Variants in SAMD4B observed in about 807,000 individuals in gnomAD.
SAMD4B encodes protein Smaug homolog 2.
Under a neutral mutation model 74.5 loss-of-function variants are expected in SAMD4B, and 5 were observed. That is an observed-to-expected ratio of 0.07 (90% CI 0.04 to 0.14). The LOEUF is 0.14. Among genes scored for constraint, SAMD4B ranks in the 10% least tolerant of loss-of-function variants. SAMD4B has a pLI of 1.00. For missense variants in SAMD4B, 608 were observed against 921.8 expected (o/e 0.66, Z 4.41); for synonymous variants, 373 against 374.9 (o/e 1.00, Z 0.06).
At chr19:39,381,801 A>G (rs978464214) in intron 12 of SAMD4B, among the ~76,000 whole-genome samples, 1 of 152,184 alleles carries the variant, frequency 6.6e-6, no homozygotes, top group African/African-American at 2.4e-5. Flanking sequence ...GCATGGTGGC[A>G]CACACCCGTA....
chr19:39,380,175 T>C, intron 10 of SAMD4B, 91 bp downstream of exon 10: 1 of 965,550 alleles, frequency 1.0e-6, no homozygotes, highest in South Asian at 1.6e-5. Flanking sequence ...TGTTCTGGGC[T>C]GAGAATCTAG....
chr19:39,349,053 T>G (rs1395757360), intron 1 of SAMD4B, among the ~76,000 whole-genome samples: 1 of 152,180 alleles, frequency 6.6e-6, no homozygotes, highest in East Asian at 1.9e-4. Flanking sequence ...TGCCCAAAAT[T>G]ACACAGGTAG....
In SAMD4B at chr19:39,370,066, T is replaced by A; in HGVS notation, c.608T>A (p.Phe203Tyr). 1.2e-6 allele frequency: 2 copies of A among 1,611,022 alleles called. No individual in the cohort carries two copies. The highest frequency in any genetic ancestry group is 1.7e-6 in the Non-Finnish European group (2 of 1,178,608). The stretch of plus-strand genomic sequence containing the variant: ...CCCCGGGAAAATGGACACGTGCCCT[T>A]CCACCCATCCAGCTCAGTGCCGCCA... ...KPPRENGHVPFHPSSSVPPAI... is the reference protein window; with the variant it reads ...KPPRENGHVPYHPSSSVPPAI... The change falls in exon 4 of 14, where the codon TTC (phenylalanine) becomes TAC (tyrosine). Residue 203 changes from phenylalanine to tyrosine, a missense_variant. Phe to Tyr is a conservative substitution (Grantham distance 22). Transcript: ENST00000610417.
Position 39,378,649 on chromosome 19 carries a change from C to G in SAMD4B, c.1530+60C>G. On this transcript the variant is annotated intron_variant, in intron 9 of 13. Transcript: ENST00000610417. This position sits in a 1 kb window ranked among gnomAD's most constrained non-coding sequence, Gnocchi z 4.4. Reference sequence around the variant, plus strand: ...GGCGGCCAGGCGTGGTGGTTCACGCCTGTAGTCCCAGCACTTCGGCCACCG... The same window carrying G: ...GGCGGCCAGGCGTGGTGGTTCACGCGTGTAGTCCCAGCACTTCGGCCACCG... The G allele has an allele frequency of 5.4e-6, 8 of 1,473,248 alleles. No individual in the cohort carries two copies. The highest frequency in any genetic ancestry group is 7.6e-6 in the Non-Finnish European group (8 of 1,056,132). 91.3% of individuals were successfully genotyped at this position (1,473,248 alleles called of 1,614,324 possible).
intron 1 of SAMD4B, among the ~76,000 whole-genome samples, chr19:39,345,561 C>T (rs934466722): frequency 3.9e-5 from 6 of 152,148 alleles, no homozygotes; most frequent in Non-Finnish European, 7.4e-5. Flanking sequence ...TCTTTTCATT[C>T]TGTGTCTTAC....
intron 12 of SAMD4B, among the ~76,000 whole-genome samples, chr19:39,382,934 A>G (rs2078090046): frequency 6.6e-6 from 1 of 151,460 alleles, no homozygotes; most frequent in Non-Finnish European, 1.5e-5. Flanking sequence ...TAGTCACAGC[A>G]GGCTGTGTGT....
rs1273949848 is a variant in SAMD4B, at chr19:39,375,781, C to G, written c.799C>G (p.His267Asp). 6.2e-7 allele frequency: 1 copy of G among 1,614,170 alleles called. No individual in the cohort carries two copies. The highest frequency in any genetic ancestry group is 1.1e-5 in the South Asian group (1 of 91,086). ...GARAAFTTPD[H>D]APLSPQSSVA... ...CCGGGCTGCTTTTACCACGCCCGAT[C>G]ACGCACCTCTCTCGCCCCAGAGCAG... The change falls in exon 5 of 14, where the codon CAC (histidine) becomes GAC (aspartate). Residue 267 changes from histidine (H) to aspartate (D), a missense_variant. By Grantham distance (81) the His-to-Asp change is moderately conservative (BLOSUM62 -1). Around this residue, in one of 9 missense-constraint regions of SAMD4B, gnomAD observed 31 missense variants for 43.4 expected, o/e 0.71. Coordinates refer to ENST00000610417, the MANE Select transcript of SAMD4B (RefSeq NM_001384574.2). This position sits in a 1 kb window ranked among gnomAD's most constrained non-coding sequence, Gnocchi z 4.1.
downstream of SAMD4B, chr19:39,386,506 C>T: frequency 6.2e-7 from 1 of 1,614,168 alleles, no homozygotes; most frequent in Non-Finnish European, 8.5e-7. This position sits in a 1 kb window ranked among gnomAD's most constrained non-coding sequence, Gnocchi z 6.1. Flanking sequence ...TCTTTCTCTT[C>T]TGTCTCCATC....
chr19:39,373,063 G>A (rs1469205367), intron 4 of SAMD4B, among the ~76,000 whole-genome samples: 1 of 152,168 alleles, frequency 6.6e-6, no homozygotes, highest in African/African-American at 2.4e-5. Context: ...TCTGGGGCCT[G>A]CACCAGGCTA....
chr19:39,360,233 A>G (rs1471278202), intron 3 of SAMD4B: 2 of 152,130 alleles, frequency 1.3e-5, no homozygotes, highest in African/African-American at 2.4e-5. Flanking sequence ...TTCTCACCAC[A>G]TTGCCCTTGA....
chr19:39,369,382 T>C (rs2077158060), intron 3 of SAMD4B: 1 of 463,784 alleles, frequency 2.2e-6, no homozygotes, highest in African/African-American at 2.0e-5. Context: ...TGCTGATCAA[T>C]AGTGGGATTG....
rs1006868172 is a variant in SAMD4B, at chr19:39,369,635, T to C, written c.197-20T>C. The C allele has an allele frequency of 1.2e-6, 2 of 1,606,284 alleles. No individual in the cohort carries two copies. The highest frequency in any genetic ancestry group is 1.7e-5 in the Admixed American group (1 of 59,696). On this transcript the variant is annotated intron_variant, in intron 3 of 13. Transcript: ENST00000610417. ...ACCCCACCCTGGCTCTCCTGATATT[T>C]CTTCTTATCCCTTCTGTAGCCATCG...
rs1269066905 is a variant in SAMD4B at position 39,375,679 on chromosome 19, C to T, written c.697C>T (p.Leu233=). 8 of 1,611,462 alleles carry T rather than the reference C, an allele frequency of 5.0e-6. No homozygotes were observed. In the African/African-American group the frequency reaches 1.1e-4, roughly 22 times the overall value. The change falls in exon 5 of 14, where the codon CTG becomes TTG. Residue 233 remains leucine, a synonymous_variant. Coordinates refer to ENST00000610417, the MANE Select transcript of SAMD4B (RefSeq NM_001384574.2). This position sits in a 1 kb window ranked among gnomAD's most constrained non-coding sequence, Gnocchi z 4.1. ...GLPCQIHPSP[L]KRSMSLIPTS... is the part of the protein sequence containing the mutation. ...CCCCTGCCAAATCCACCCTAGCCCA[C>T]TGAAGCGCTCCATGTCACTCATCCC...
chr19:39,347,811 A>G (rs2075791206), intron 1 of SAMD4B, among the ~76,000 whole-genome samples: 1 of 152,176 alleles, frequency 6.6e-6, no homozygotes, highest in Non-Finnish European at 1.5e-5. Flanking sequence ...GCAAGTCTCA[A>G]ATATCTCCAG....
chr19:39,365,602 G>C lies in SAMD4B; in HGVS notation c.197-4053G>C, dbSNP rs921143483. 2.0e-5 allele frequency among the ~76,000 whole-genome samples: 3 copies of C among 152,154 alleles called. No homozygotes were observed. The East Asian group carries it at 5.8e-4, about 29-fold the overall frequency. ...CAGAGCCTGGATTCAGATCTCAGCT[G>C]TGTCGCTTAATGGGCTCTGTCACTT... is the stretch of plus-strand genomic sequence containing the variant. On this transcript the variant is annotated intron_variant, in intron 3 of 13. Transcript: ENST00000610417.
intron 9 of SAMD4B, among the ~76,000 whole-genome samples, chr19:39,379,713 G>A (rs902609888): frequency 6.6e-6 from 1 of 152,180 alleles, no homozygotes; most frequent in Non-Finnish European, 1.5e-5. Flanking sequence ...TGGGATTACA[G>A]ACACACACTA....
chr19:39,356,009 T>A (rs1252326278), intron 2 of SAMD4B, among the ~76,000 whole-genome samples: 1 of 152,210 alleles, frequency 6.6e-6, no homozygotes, highest in Non-Finnish European at 1.5e-5. Context: ...TCAGGGAAGC[T>A]GGGTTAGAGA....
intron 1 of SAMD4B, among the ~76,000 whole-genome samples, chr19:39,345,403 G>A (rs2075636451): frequency 6.6e-6 from 1 of 152,180 alleles, no homozygotes; most frequent in Admixed American, 6.5e-5. Context: ...ATCTTCCTCA[G>A]TGCTTTCTCT....
rs754644208 is a variant in SAMD4B, at chr19:39,370,109, G to A, written c.651G>A (p.Gly217=). 1 of 1,594,434 alleles carries A rather than the reference G, an allele frequency of 6.3e-7. No homozygotes were observed. Among genetic ancestry groups the A allele is most frequent in the South Asian group, 1.1e-5 (1 of 88,052 alleles). The change falls in exon 4 of 14, where the codon GGG becomes GGA. Residue 217 remains glycine, a synonymous_variant. Transcript: ENST00000610417. ...TGCCGCCAGCCATCAACAGTATTGGGAGCAATGCAAACACAGGTAAGTGGC... is the reference window on the plus strand; with the variant it reads ...TGCCGCCAGCCATCAACAGTATTGGAAGCAATGCAAACACAGGTAAGTGGC... ...SSVPPAINSI[G]SNANTGLPCQ...
Sources: gnomAD v4.1 joint callset for allele counts (sites outside exome capture counted in the v4.1 genomes callset) on GRCh38, gnomAD v4.1.1 for gene constraint, gnomAD v4.1.1 regional missense constraint, Gnocchi (gnomAD v3.1) non-coding constraint, MANE v1.5 for transcripts, NCBI Gene and HGNC (gene_info 2026-07-23, HGNC 2026-07-21) for gene names.